CYP26C1: variants seen among roughly 807,000 people sequenced by gnomAD.
CYP26C1 encodes the protein cytochrome P450 family 26 subfamily C member 1, also known as cytochrome P450 26C1.
Under a neutral mutation model 39.1 loss-of-function variants are expected in CYP26C1, and 41 were observed. The ratio of observed to expected loss-of-function variants is 1.05; its 90% CI spans 0.82 to 1.36. CYP26C1 has a LOEUF of 1.36. Among genes scored for constraint, CYP26C1 ranks in the 40% most tolerant of loss-of-function variants. The pLI is 0.00. For missense variants in CYP26C1, 833 were observed against 752.0 expected, an observed-to-expected ratio of 1.11 and a Z score of -1.26; for synonymous variants, 362 against 350.8, an observed-to-expected ratio of 1.03 and a Z score of -0.36.
Position 93,066,081 on chromosome 10 carries a change from G to A in CYP26C1, c.987G>A (p.Gln329=). 7.2e-7 allele frequency: 1 copy of A among 1,385,752 alleles called. No homozygotes were observed. The highest frequency in any genetic ancestry group is 1.7e-5 in the South Asian group (1 of 58,536). The allele number at this position is 1,385,752 out of a possible 1,614,324, so 85.8% of individuals were successfully genotyped here. A position where few individuals can be genotyped will look rare whatever the true frequency, so the allele number is the denominator to read the frequency against. ...IAKIREELVA[Q]GLGRACGCAP... ...AGATTCGGGAGGAGCTGGTGGCGCA[G>A]GGGCTGGGGCGCGCGTGCGGCTGCG... Residue 329 remains glutamine, a synonymous_variant, in exon 5 of 6, where the codon CAG becomes CAA. Coordinates refer to ENST00000651965, the MANE Select transcript of CYP26C1 (RefSeq NM_183374.3).
rs1846853024 is a variant in CYP26C1, at chr10:93,068,339, G to A, written c.1211G>A (p.Gly404Asp). The A allele has an allele frequency of 2.0e-6, 3 of 1,534,126 alleles. No homozygotes were observed. Among genetic ancestry groups the A allele is most frequent in the Non-Finnish European group, 2.6e-6 (3 of 1,142,936 alleles). ...FELDGYQIPKGWSVMYSIRDT... is the reference protein window; with the variant it reads ...FELDGYQIPKDWSVMYSIRDT... ...CTGCAGGGCTACCAGATCCCCAAGG[G>A]CTGGAGCGTGATGTATAGCATCCGG... is the stretch of plus-strand genomic sequence containing the variant. The change falls in exon 6 of 6, where the codon GGC (glycine) becomes GAC (aspartate). Residue 404 changes from glycine (G) to aspartate (D), a missense_variant. Physicochemically the swap from Gly to Asp is moderately conservative, Grantham distance 94. Coordinates refer to ENST00000651965, the MANE Select transcript of CYP26C1 (RefSeq NM_183374.3).
Position 93,060,947 on chromosome 10 carries a change from C to G in CYP26C1, c.-317C>G, listed in dbSNP as rs1358304836. ...AGGAGGTGGGAGGTGCCCCGCGGAGCCGGGAGTGAGCGTTCCCGAGGCAGC... is the reference window on the plus strand; with the variant it reads ...AGGAGGTGGGAGGTGCCCCGCGGAGGCGGGAGTGAGCGTTCCCGAGGCAGC... On this transcript the variant is annotated 5_prime_UTR_variant, in exon 1 of 6. Transcript: ENST00000651965. The G allele has an allele frequency of 2.5e-6, 1 of 397,844 alleles. No homozygotes were observed. The highest frequency in any genetic ancestry group is 4.5e-6 in the Non-Finnish European group (1 of 223,438). The allele number at this position is 397,844 out of a possible 1,614,324, so 24.6% of individuals were successfully genotyped here.
Position 93,060,841 on chromosome 10 carries a change from C to T in CYP26C1, c.-423C>T. 1 of 212,770 alleles carries T rather than the reference C, an allele frequency of 4.7e-6. No individual in the cohort carries two copies. The highest frequency in any genetic ancestry group is 9.3e-6 in the Non-Finnish European group (1 of 107,576). The allele number at this position is 212,770 out of a possible 1,614,324, so 13.2% of individuals were successfully genotyped here. ...GAGGGACAGGTGGGGCGGGGGTCTG[C>T]AGACCAGGTTGGCAACACTGGTGAG... On this transcript the variant is annotated 5_prime_UTR_variant, in exon 1 of 6. Transcript: ENST00000651965.
At chr10:93,064,568 CTT>C (rs751007285) in intron 4 of CYP26C1, 32 bp downstream of exon 4, 28 of 1,596,536 alleles carry the variant, frequency 1.8e-5, no homozygotes, top group Non-Finnish European at 1.4e-5. Context: ...CTTCTCCCCT[CTT>C]TTGCATTCCC....
chr10:93,061,025 T>G lies in CYP26C1; in HGVS notation c.-239T>G. The G allele has an allele frequency of 1.9e-6, 1 of 524,092 alleles. No homozygotes were observed. Among genetic ancestry groups the G allele is most frequent in the East Asian group, 3.5e-5 (1 of 28,752 alleles). 32.5% of individuals were successfully genotyped at this position (524,092 alleles called of 1,614,324 possible). A position where few individuals can be genotyped will look rare whatever the true frequency, so the allele number is the denominator to read the frequency against. Reference sequence around the variant, plus strand: ...GGGCCCAGGAGCCAGGAAAAAGTCCTGAGCGTGCCGGCCTCGAGGAAGGCA... The same window carrying G: ...GGGCCCAGGAGCCAGGAAAAAGTCCGGAGCGTGCCGGCCTCGAGGAAGGCA... On this transcript the variant is annotated 5_prime_UTR_variant, in exon 1 of 6. Coordinates refer to ENST00000651965, the MANE Select transcript of CYP26C1 (RefSeq NM_183374.3).
intron 5 of CYP26C1, among the ~76,000 whole-genome samples, chr10:93,066,857 G>C (rs371104461): frequency 6.6e-6 from 1 of 152,208 alleles, no homozygotes; most frequent in African/African-American, 2.4e-5. Context: ...CTCCATCTCC[G>C]TATGACCTTG....
In CYP26C1 at chr10:93,062,922, C is replaced by G. The variant is rs1330444740; in HGVS notation, c.632C>G (p.Ala211Gly). ...RLDEAQCATL[A>G]RTFEQLVENL... ...GACGAGGCGCAGTGCGCCACGCTGGCCCGGACCTTCGAGCAGCTCGTGGAG... is the reference window on the plus strand; with the variant it reads ...GACGAGGCGCAGTGCGCCACGCTGGGCCGGACCTTCGAGCAGCTCGTGGAG... The change falls in exon 3 of 6, where the codon GCC (alanine) becomes GGC (glycine). Residue 211 changes from alanine (A) to glycine (G), a missense_variant. Physicochemically the swap from Ala to Gly is moderately conservative, Grantham distance 60. Coordinates refer to ENST00000651965, the MANE Select transcript of CYP26C1 (RefSeq NM_183374.3). 6.2e-7 allele frequency: 1 copy of G among 1,605,734 alleles called. No homozygotes were observed. The highest frequency in any genetic ancestry group is 1.3e-5 in the African/African-American group (1 of 74,692).
In CYP26C1 at chr10:93,068,792, CTCTT is replaced by C. The variant is rs1384151729; in HGVS notation, c.*98_*101del. ...TCCCCATTGTAGCGTCGCGCGCCCA[CTCTT>C]TCACTCGTTCAACAATCTTTCAACA... On this transcript the variant is annotated 3_prime_UTR_variant, in exon 6 of 6. Coordinates refer to ENST00000651965, the MANE Select transcript of CYP26C1 (RefSeq NM_183374.3). 2.8e-6 allele frequency: 4 copies of C among 1,420,694 alleles called. No individual in the cohort carries two copies. Among genetic ancestry groups the C allele is most frequent in the Non-Finnish European group, 3.7e-6 (4 of 1,084,796 alleles). The allele number at this position is 1,420,694 out of a possible 1,614,324, so 88.0% of individuals were successfully genotyped here.
intron 3 of CYP26C1, chr10:93,063,239 C>G (rs1846775632): frequency 8.1e-7 from 1 of 1,241,848 alleles, no homozygotes; most frequent in Non-Finnish European, 1.0e-6. Flanking sequence ...ACGCGCCTGC[C>G]GCGACGCGCT....
At chr10:93,061,655 C>T (rs1311731120) in intron 1 of CYP26C1, among the ~76,000 whole-genome samples, 188 bp downstream of exon 1, 3 of 151,962 alleles carry the variant, frequency 2.0e-5, no homozygotes, top group Admixed American at 6.5e-5. Flanking sequence ...CCTCAAGTCA[C>T]TGGAATTCCC....
intron 2 of CYP26C1, 38 bp downstream of exon 2, chr10:93,062,272 T>C (rs1294385200): frequency 6.7e-7 from 1 of 1,487,736 alleles, no homozygotes; most frequent in Non-Finnish European, 8.9e-7. Context: ...ATACGTCGGA[T>C]CCGCGGTCCC....
At chr10:93,063,537 G>A in intron 3 of CYP26C1, 1 of 985,844 alleles carries the variant, frequency 1.0e-6, no homozygotes, top group Non-Finnish European at 1.2e-6. Flanking sequence ...AGAACAATGG[G>A]CAGGACCCGG....
chr10:93,063,112 G>A (rs1450116480), intron 3 of CYP26C1, 117 bp downstream of exon 3: 14 of 1,440,646 alleles, frequency 9.7e-6, no homozygotes, highest in Non-Finnish European at 1.3e-5. Context: ...TGCTGGGAAC[G>A]GCGGCAGGGC....
In CYP26C1 at chr10:93,062,943, T is replaced by G. The variant is rs780373913; in HGVS notation, c.653T>G (p.Val218Gly). Residue 218 changes from valine to glycine, a missense_variant, in exon 3 of 6, where the codon GTG (valine) becomes GGG (glycine). Val to Gly is a moderately radical substitution (Grantham distance 109). Transcript: ENST00000651965. Reference protein sequence around the residue: ...ATLARTFEQLVENLFSLPLDV... With the variant: ...ATLARTFEQLGENLFSLPLDV... ...CTGGCCCGGACCTTCGAGCAGCTCG[T>G]GGAGAACCTCTTCTCACTGCCTCTG... 6.2e-7 allele frequency: 1 copy of G among 1,602,976 alleles called. No individual in the cohort carries two copies. The highest frequency in any genetic ancestry group is 8.5e-7 in the Non-Finnish European group (1 of 1,177,664).
chr10:93,064,165 G>A (rs1298649282), intron 3 of CYP26C1: 1 of 1,331,044 alleles, frequency 7.5e-7, no homozygotes, highest in Non-Finnish European at 9.8e-7. Flanking sequence ...CTCAGAGGGG[G>A]ATTGTGATAA....
intron 5 of CYP26C1, among the ~76,000 whole-genome samples, chr10:93,067,128 C>G (rs184274898): frequency 7.9e-5 from 12 of 152,364 alleles, no homozygotes; most frequent in Non-Finnish European, 1.6e-4. Context: ...TGGCACATTG[C>G]GTGCCAGGGT....
Position 93,062,708 on chromosome 10 carries a change from G to A in CYP26C1, c.430-12G>A. ...AGACCGCCGCCAGCGCTGATCACGC[G>A]CGCTCCCACAGGTCCTGGCGCGCGT... On this transcript the variant is annotated splice_polypyrimidine_tract_variant and intron_variant, in intron 2 of 5. Transcript: ENST00000651965. The A allele has an allele frequency of 7.2e-7, 1 of 1,398,220 alleles. No homozygotes were observed. Among genetic ancestry groups the A allele is most frequent in the Non-Finnish European group, 9.2e-7 (1 of 1,086,382 alleles). 86.6% of individuals were successfully genotyped at this position (1,398,220 alleles called of 1,614,324 possible).
chr10:93,068,203 C>G (rs1846851242), intron 5 of CYP26C1, 117 bp from the exon 6 acceptor site: 1 of 1,284,900 alleles, frequency 7.8e-7, no homozygotes, highest in African/African-American at 1.5e-5. Flanking sequence ...CCGGGTTAAT[C>G]GCGGATTCCT....
intron 5 of CYP26C1, among the ~76,000 whole-genome samples, chr10:93,066,644 A>T (rs1190785565): frequency 6.6e-6 from 1 of 152,172 alleles, no homozygotes. Flanking sequence ...GTGAGTGTGG[A>T]TGGAGAACAA....
Sources: allele counts gnomAD v4.1 joint callset (sites outside exome capture counted in the v4.1 genomes callset), GRCh38; gene constraint gnomAD v4.1.1; transcripts MANE v1.5; gene names NCBI Gene and HGNC (gene_info 2026-07-23, HGNC 2026-07-21).